The following DLGAP1 variants were observed in gnomAD, a reference collection of about 807,000 sequenced individuals.
DLGAP1 encodes DLG associated protein 1, also known as disks large-associated protein 1.
A neutral mutation model predicts 90.8 loss-of-function variants in DLGAP1; 11 were observed. That is an observed-to-expected ratio of 0.12 (90% confidence interval 0.08 to 0.20). The LOEUF (loss-of-function observed/expected upper bound fraction) is 0.20, where lower values mean the gene tolerates loss of function less well. Ranked by LOEUF, DLGAP1 falls within the 10% of genes least tolerant of loss-of-function variation. DLGAP1 has a pLI of 1.00. For synonymous variants in DLGAP1, 558 were observed against 540.7 expected (o/e 1.03, Z -0.44); for missense variants, 1,050 against 1,333.8 (o/e 0.79, Z 3.31).
chr18:3,675,134 C>T (rs934146389), intron 7 of DLGAP1, among the ~76,000 whole-genome samples: 1 of 152,124 alleles, frequency 6.6e-6, no homozygotes, highest in African/African-American at 2.4e-5. Context: ...TGCAGTGGTG[C>T]GATCTCGGCT....
chr18:4,132,409 T>C (rs1324961255), intron 2 of DLGAP1, among the ~76,000 whole-genome samples: 2 of 152,162 alleles, frequency 1.3e-5, no homozygotes, highest in Admixed American at 1.3e-4. Context: ...CTCTAAACTA[T>C]GGTGTCTATG....
At chr18:3,932,682 G>A (rs1451250908) in intron 3 of DLGAP1, among the ~76,000 whole-genome samples, 2 of 152,140 alleles carry the variant, frequency 1.3e-5, no homozygotes. Flanking sequence ...AACATGAACA[G>A]GATCAGTGCA....
intron 6 of DLGAP1, among the ~76,000 whole-genome samples, chr18:3,740,501 A>G (rs2062852451): frequency 6.6e-6 from 1 of 152,110 alleles, no homozygotes; most frequent in South Asian, 2.1e-4. Context: ...CTGCCCTTGG[A>G]GCCTGCCCTG....
chr18:3,893,092 C>A (rs1000246187), intron 3 of DLGAP1, among the ~76,000 whole-genome samples: 4 of 151,820 alleles, frequency 2.6e-5, no homozygotes, highest in Non-Finnish European at 4.4e-5. Flanking sequence ...GTCTATTATT[C>A]CATTCTTTAT....
At chr18:4,388,781 CAGGAAAGTAACAACCACAATG>C (rs2082285130) in intron 1 of DLGAP1, among the ~76,000 whole-genome samples, 1 of 152,088 alleles carries the variant, frequency 6.6e-6, no homozygotes, top group South Asian at 2.1e-4. Context: ...ATATACGTAT[CAGGAAAGTAACAACCACAATG>C]AGATATCACC....
chr18:4,291,765 T>G (rs987296891), intron 1 of DLGAP1, among the ~76,000 whole-genome samples: 1 of 152,144 alleles, frequency 6.6e-6, no homozygotes, highest in African/African-American at 2.4e-5. Flanking sequence ...TCTACTAAGG[T>G]GCCAATCCTA....
chr18:3,730,791 T>C (rs2062395611), intron 6 of DLGAP1, among the ~76,000 whole-genome samples: 1 of 152,228 alleles, frequency 6.6e-6, no homozygotes, highest in Non-Finnish European at 1.5e-5. Flanking sequence ...ATAAGAATTC[T>C]TTACAGTTTA....
At chr18:4,448,809 T>A (rs1014657262) in intron 1 of DLGAP1, among the ~76,000 whole-genome samples, 1 of 152,162 alleles carries the variant, frequency 6.6e-6, no homozygotes, top group African/African-American at 2.4e-5. Context: ...TCAGTAAAGA[T>A]GTTAGATTCC....
At chr18:4,197,188 T>TAAAAAAAAAAAAAAAAA (rs532844849) in intron 1 of DLGAP1, among the ~76,000 whole-genome samples, 131 of 73,144 alleles carry the variant, frequency 1.8e-3, no homozygotes, top group African/African-American at 2.2e-3. Context: ...TAAAAAAAAG[T>TAAAAAAAAAAAAAAAAA]AAAAAAAAAA....
chr18:3,783,943 A>G (rs1329382401), intron 5 of DLGAP1, among the ~76,000 whole-genome samples: 1 of 152,148 alleles, frequency 6.6e-6, no homozygotes. Context: ...ATGTTTAAGC[A>G]CTGAGGTAAA....
At chr18:3,557,788 G>A (rs372104700) in intron 9 of DLGAP1, among the ~76,000 whole-genome samples, 19 of 152,270 alleles carry the variant, frequency 1.2e-4, no homozygotes, top group East Asian at 3.9e-4. Flanking sequence ...TCAGCCTGGC[G>A]TGGTGGCGGG....
chr18:3,541,193 T>C (rs2052673293), intron 9 of DLGAP1, among the ~76,000 whole-genome samples: 2 of 151,974 alleles, frequency 1.3e-5, no homozygotes, highest in African/African-American at 4.8e-5. Context: ...GTTTTCTTTC[T>C]GCACACTAAG....
chr18:4,240,986 C>T (rs1452318346), intron 1 of DLGAP1, among the ~76,000 whole-genome samples: 1 of 152,224 alleles, frequency 6.6e-6, no homozygotes, highest in Non-Finnish European at 1.5e-5. Context: ...TGTTACTTTA[C>T]TCCCCAGTTT....
intron 3 of DLGAP1, among the ~76,000 whole-genome samples, chr18:3,929,330 CAAATGAATTTG>C (rs1568305071): frequency 6.6e-6 from 1 of 152,152 alleles, no homozygotes; most frequent in African/African-American, 2.4e-5. Flanking sequence ...CATAAATTTG[CAAATGAATTTG>C]AAAGGAAATG....
At chr18:4,106,031 CAAAA>C (rs60176243) in intron 2 of DLGAP1, among the ~76,000 whole-genome samples, 3 of 102,274 alleles carry the variant, frequency 2.9e-5, no homozygotes, top group South Asian at 5.0e-4. Flanking sequence ...GGGTCCGTCT[CAAAA>C]AAAAAAAAAA....
chr18:3,632,365 G>A (rs1424772455), intron 7 of DLGAP1, among the ~76,000 whole-genome samples: 3 of 150,806 alleles, frequency 2.0e-5, no homozygotes, highest in Non-Finnish European at 4.4e-5. Context: ...GCAGTGGACC[G>A]ATCTCTGCTC....
intron 3 of DLGAP1, chr18:3,978,233 C>T: frequency 7.0e-6 from 3 of 428,966 alleles, no homozygotes; most frequent in South Asian, 1.8e-5. Flanking sequence ...ATCGTTCATG[C>T]CCATCAGCAG....
chr18:3,956,442 G>C (rs986381519), intron 3 of DLGAP1, among the ~76,000 whole-genome samples: 5 of 151,224 alleles, frequency 3.3e-5, no homozygotes, highest in African/African-American at 1.2e-4. Flanking sequence ...TCCGCCTCCC[G>C]GGTTCACGCC....
At chr18:3,974,145 GC>G (rs2073518693) in intron 3 of DLGAP1, among the ~76,000 whole-genome samples, 2 of 151,978 alleles carry the variant, frequency 1.3e-5, no homozygotes, top group Admixed American at 6.6e-5. Flanking sequence ...CGCAATCTCG[GC>G]TCACTGCAAC....
Sources: allele counts gnomAD v4.1 joint callset (sites outside exome capture counted in the v4.1 genomes callset), GRCh38; gene constraint gnomAD v4.1.1; transcripts MANE v1.5; gene names NCBI Gene and HGNC (gene_info 2026-07-23, HGNC 2026-07-21).